Variants in APOA4 observed in about 807,000 individuals in gnomAD.
The protein encoded by APOA4 is apolipoprotein A4.
A neutral mutation model predicts 33.6 loss-of-function variants in APOA4; 25 were observed. That is an observed-to-expected ratio of 0.74 (90% CI 0.54 to 1.04). APOA4 has a LOEUF of 1.04. APOA4 is among the 50% of genes least tolerant of loss of function. APOA4 has a pLI of 0.00. For synonymous variants in APOA4, 228 were observed against 224.0 expected (o/e 1.02, Z -0.16); for missense variants, 549 against 510.4 (o/e 1.08, Z -0.73).
At chr11:116,821,928 C>T (rs748110924) in intron 2 of APOA4, 47 bp from the exon 3 acceptor site, 14 of 1,605,684 alleles carry the variant, frequency 8.7e-6, no homozygotes, top group Admixed American at 6.7e-5. Context: ...GGCATTTACA[C>T]GGCAAGACTT....
At chr11:116,821,943 T>C in intron 2 of APOA4, 62 bp from the exon 3 acceptor site, 1 of 1,601,012 alleles carries the variant, frequency 6.2e-7, no homozygotes, top group Non-Finnish European at 8.5e-7. Flanking sequence ...AGACTTTGTC[T>C]GCTTGTATAC....
At chr11:116,822,905 G>A in intron 1 of APOA4, 120 bp from the exon 2 acceptor site, 1 of 1,544,652 alleles carries the variant, frequency 6.5e-7, no homozygotes, top group Non-Finnish European at 8.8e-7. Flanking sequence ...TTCCCTGTCT[G>A]AGCTTAGCTT....
At position 116,821,019 on chromosome 11, in the gene APOA4, G is replaced by A; in HGVS notation, c.1039C>T (p.Leu347=). 8 of 1,614,238 alleles carry A rather than the reference G, an allele frequency of 5.0e-6. No individual in the cohort carries two copies. Among genetic ancestry groups the A allele is most frequent in the Non-Finnish European group, 6.8e-6 (8 of 1,180,042 alleles). The part of the protein sequence containing the change: ...EGHLSFLEKD[L]RDKVNSFFST... ...AAGAAGGAGTTGACCTTGTCCCTCA[G>A]GTCCTTCTCCAGGAAGCTCAAGTGG... is the stretch of plus-strand genomic sequence containing the variant. Residue 347 remains leucine, a synonymous_variant, in exon 3 of 3, where the codon CTG becomes TTG. Transcript: ENST00000357780.
intron 2 of APOA4, among the ~76,000 whole-genome samples, chr11:116,822,264 G>T (rs1370936074): frequency 6.6e-6 from 1 of 152,060 alleles, no homozygotes; most frequent in African/African-American, 2.4e-5. Flanking sequence ...GTCTTCCAGT[G>T]GCACAAGGTG....
At position 116,821,375 on chromosome 11, in the gene APOA4, T is replaced by C. The variant is rs760897625; in HGVS notation, c.683A>G (p.Gln228Arg). Residue 228 changes from glutamine (Q) to arginine (R), a missense_variant, in exon 3 of 3, where the codon CAG becomes CGG. By Grantham distance (43) the Gln-to-Arg change is conservative. Coordinates refer to ENST00000357780, the MANE Select transcript of APOA4 (RefSeq NM_000482.4). The stretch of plus-strand genomic sequence containing the variant: ...GTGGTTGAGCTTCTCCTGCGTGTCC[T>C]GAGCATAGGGAGCCAGGCTGCGGCG... ...ELRRSLAPYA[Q>R]DTQEKLNHQL... 1.2e-6 allele frequency: 2 copies of C among 1,614,208 alleles called. No homozygotes were observed. Among genetic ancestry groups the C allele is most frequent in the Admixed American group, 3.3e-5 (2 of 60,032 alleles).
At chr11:116,822,838 C>G (rs1941342031) in intron 1 of APOA4, 53 bp from the exon 2 acceptor site, 7 of 1,611,566 alleles carry the variant, frequency 4.3e-6, no homozygotes, top group Non-Finnish European at 5.1e-6. Flanking sequence ...TGTGGCCCCT[C>G]TGCTCCAGCT....
chr11:116,823,073 G>A, intron 1 of APOA4, 70 bp downstream of exon 1: 1 of 1,583,852 alleles, frequency 6.3e-7, no homozygotes, highest in Non-Finnish European at 8.7e-7. Context: ...TTTTGCTTTG[G>A]CTCAGCCTCC....
Position 116,820,810 on chromosome 11 carries a change from C to A in APOA4, c.*57G>T. The A allele has an allele frequency of 1.3e-6, 2 of 1,579,276 alleles. No individual in the cohort carries two copies. Among genetic ancestry groups the A allele is most frequent in the South Asian group, 2.3e-5 (2 of 87,246 alleles). ...AACTTCTTTGGGACAGACAGACAGA[C>A]AGGTGGCAGGGCAGGGCAGGTGTCC... is the stretch of plus-strand genomic sequence containing the variant. On this transcript the variant is annotated 3_prime_UTR_variant, in exon 3 of 3. Transcript: ENST00000357780.
In APOA4 at chr11:116,823,217, A is replaced by G. The variant is rs765175329; in HGVS notation, c.-26T>C. Reference sequence around the variant, plus strand: ...CCTGAGCTGCTTGCTGGGCTGGAGGAGTTTCTTGCCACACTGGATCCTCCC... The same window carrying G: ...CCTGAGCTGCTTGCTGGGCTGGAGGGGTTTCTTGCCACACTGGATCCTCCC... On this transcript the variant is annotated 5_prime_UTR_variant, in exon 1 of 3. Coordinates refer to ENST00000357780, the MANE Select transcript of APOA4 (RefSeq NM_000482.4). The G allele has an allele frequency of 6.2e-7, 1 of 1,613,928 alleles. No homozygotes were observed. Among genetic ancestry groups the G allele is most frequent in the Non-Finnish European group, 8.5e-7 (1 of 1,179,954 alleles).
At position 116,822,671 on chromosome 11, in the gene APOA4, G is replaced by A; in HGVS notation, c.164C>T (p.Thr55Ile). 1 of 1,614,216 alleles carries A rather than the reference G, an allele frequency of 6.2e-7. No individual in the cohort carries two copies. ...TAGTCCCTCTTACTTGAGTTGCTGG[G>A]TGAGTTCAGATTTCTGGAGATGTTC... ...AVEHLQKSEL[T>I]QQLNALFQDK... Residue 55 changes from threonine to isoleucine, a missense_variant, in exon 2 of 3, where the codon ACC (threonine) becomes ATC (isoleucine). Coordinates refer to ENST00000357780, the MANE Select transcript of APOA4 (RefSeq NM_000482.4).
Position 116,821,752 on chromosome 11 carries a change from A to G in APOA4, c.306T>C (p.Ile102=). The G allele has an allele frequency of 6.4e-7, 1 of 1,555,322 alleles. No individual in the cohort carries two copies. Among genetic ancestry groups the G allele is most frequent in the Non-Finnish European group, 8.9e-7 (1 of 1,126,638 alleles). Reference sequence around the variant, plus strand: ...CCCTCAGCTCCTCCAGCTCCTTCCCAATCTCCTCCTTCAGTTTCTCCGAGT... The same window carrying G: ...CCCTCAGCTCCTCCAGCTCCTTCCCGATCTCCTCCTTCAGTTTCTCCGAGT... The part of the protein sequence containing the change: ...AKDSEKLKEE[I]GKELEELRAR... Residue 102 remains isoleucine, a synonymous_variant, in exon 3 of 3, where the codon ATT becomes ATC. Transcript: ENST00000357780.
chr11:116,823,208 G>A lies in APOA4; in HGVS notation c.-17C>T. ...CAGGAACATCCTGAGCTGCTTGCTG[G>A]GCTGGAGGAGTTTCTTGCCACACTG... On this transcript the variant is annotated 5_prime_UTR_variant, in exon 1 of 3. Transcript: ENST00000357780. 3.1e-6 allele frequency: 5 copies of A among 1,614,092 alleles called. No individual in the cohort carries two copies. The highest frequency in any genetic ancestry group is 1.7e-5 in the Admixed American group (1 of 60,014).
rs1440639252 is a variant in APOA4, at chr11:116,821,406, C to G, written c.652G>C (p.Glu218Gln). 4 of 1,614,068 alleles carry G rather than the reference C, an allele frequency of 2.5e-6. No individual in the cohort carries two copies. Among genetic ancestry groups the G allele is most frequent in the Non-Finnish European group, 3.4e-6 (4 of 1,180,034 alleles). The change falls in exon 3 of 3, where the codon GAG becomes CAG. Residue 218 changes from glutamate (E) to glutamine (Q), a missense_variant. Transcript: ENST00000357780. ...TAGGGAGCCAGGCTGCGGCGCAGCT[C>G]CTCCACGGTCTGGTCAATCTTGACT... ...FKVKIDQTVE[E>Q]LRRSLAPYAQ...
At position 116,821,086 on chromosome 11, in the gene APOA4, C is replaced by T; in HGVS notation, c.972G>A (p.Gln324=). ...FNKALVQQME[Q]LRQKLGPHAG... is the part of the protein sequence containing the mutation. ...CATGGGGGCCCAGTTTCTGCCTGAG[C>T]TGTTCCATCTGCTGCACCAGGGCTT... is the stretch of plus-strand genomic sequence containing the variant. The change falls in exon 3 of 3, where the codon CAG becomes CAA. Residue 324 remains glutamine (Q), a synonymous_variant. Transcript: ENST00000357780. The T allele has an allele frequency of 6.2e-7, 1 of 1,614,158 alleles. No individual in the cohort carries two copies. The highest frequency in any genetic ancestry group is 2.2e-5 in the East Asian group (1 of 44,876).
Position 116,821,128 on chromosome 11 carries a change from G to A in APOA4, c.930C>T (p.Tyr310=), listed in dbSNP as rs373920026. 5.3e-5 allele frequency: 85 copies of A among 1,613,772 alleles called. 1 individual carries two copies. The highest frequency in any genetic ancestry group is 1.2e-4 in the African/African-American group (9 of 75,058). Residue 310 remains tyrosine, a synonymous_variant, in exon 3 of 3, where the codon TAC becomes TAT. Coordinates refer to ENST00000357780, the MANE Select transcript of APOA4 (RefSeq NM_000482.4). ...CCAGGGCTTTGTTGAAGTTTTCCCC[G>A]TAGGGCTCCACCCGGCGTCGGAACT... ...VEEFRRRVEP[Y]GENFNKALVQ...
chr11:116,821,508 C>T lies in APOA4; in HGVS notation c.550G>A (p.Asp184Asn), dbSNP rs148815297. ...SLQASLRPHA[D>N]ELKAKIDQNV... ...TGGTCGATCTTGGCCTTGAGCTCGT[C>T]GGCGTGGGGCCTCAGCGAGGCCTGC... The change falls in exon 3 of 3, where the codon GAC becomes AAC. Residue 184 changes from aspartate (D) to asparagine (N), a missense_variant. Coordinates refer to ENST00000357780, the MANE Select transcript of APOA4 (RefSeq NM_000482.4). The T allele has an allele frequency of 1.8e-5, 29 of 1,613,932 alleles. No individual in the cohort carries two copies. Among genetic ancestry groups the T allele is most frequent in the Middle Eastern group, 1.6e-4 (1 of 6,062 alleles).
In APOA4 at chr11:116,821,631, G is replaced by A. The variant is rs756971543; in HGVS notation, c.427C>T (p.Arg143Cys). Residue 143 changes from arginine to cysteine, a missense_variant, in exon 3 of 3, where the codon CGC (arginine) becomes TGC (cysteine). Physicochemically the swap from Arg to Cys is radical, Grantham distance 180. Coordinates refer to ENST00000357780, the MANE Select transcript of APOA4 (RefSeq NM_000482.4). ...QRLEPYADQL[R>C]TQVSTQAEQL... is the part of the protein sequence containing the mutation. Reference sequence around the variant, plus strand: ...TCGGCCTGCGTGCTGACCTGGGTGCGCAGCTGGTCCGCGTAGGGCTCCAGG... The same window carrying A: ...TCGGCCTGCGTGCTGACCTGGGTGCACAGCTGGTCCGCGTAGGGCTCCAGG... 1.5e-5 allele frequency: 24 copies of A among 1,610,104 alleles called. No individual in the cohort carries two copies. The highest frequency in any genetic ancestry group is 2.2e-5 in the East Asian group (1 of 44,816).
rs762145587 is a variant in APOA4, at chr11:116,821,614, C to T, written c.444G>A (p.Thr148=). The change falls in exon 3 of 3, where the codon ACG becomes ACA. Residue 148 remains threonine (T), a synonymous_variant. Transcript: ENST00000357780. ...GCTGGCGCCGCAGCTGCTCGGCCTG[C>T]GTGCTGACCTGGGTGCGCAGCTGGT... is the stretch of plus-strand genomic sequence containing the variant. The part of the protein sequence containing the change: ...YADQLRTQVS[T]QAEQLRRQLT... 1.2e-6 allele frequency: 2 copies of T among 1,610,164 alleles called. No homozygotes were observed. Among genetic ancestry groups the T allele is most frequent in the Admixed American group, 1.7e-5 (1 of 59,890 alleles).
In APOA4 at chr11:116,823,178, G is replaced by T. The variant is rs1184697394; in HGVS notation, c.14C>A (p.Ala5Asp). MFLK[A>D]VVLTLALVAV... Reference sequence around the variant, plus strand: ...CACCAGGGCCAGGGTCAGGACCACGGCCTTCAGGAACATCCTGAGCTGCTT... The same window carrying T: ...CACCAGGGCCAGGGTCAGGACCACGTCCTTCAGGAACATCCTGAGCTGCTT... Residue 5 changes from alanine to aspartate, a missense_variant, in exon 1 of 3, where the codon GCC (alanine) becomes GAC (aspartate). Physicochemically the swap from Ala to Asp is moderately radical, Grantham distance 126 (BLOSUM62 -2). Transcript: ENST00000357780. 1.2e-6 allele frequency: 2 copies of T among 1,614,110 alleles called. No individual in the cohort carries two copies. The highest frequency in any genetic ancestry group is 1.7e-6 in the Non-Finnish European group (2 of 1,180,024).
Sources: gnomAD v4.1 joint callset for allele counts (sites outside exome capture counted in the v4.1 genomes callset) on GRCh38, gnomAD v4.1.1 for gene constraint, MANE v1.5 for transcripts, NCBI Gene and HGNC (gene_info 2026-07-23, HGNC 2026-07-21) for gene names.